Variants in NLRP3 observed in about 807,000 individuals in gnomAD.
NLRP3 encodes the protein NLR family pyrin domain containing 3, also known as NACHT, LRR and PYD domains-containing protein 3.
In NLRP3, 48 loss-of-function variants were observed where a neutral mutation model predicts 91.3. The ratio of observed to expected loss-of-function variants is 0.53; its 90% CI spans 0.42 to 0.67. The LOEUF (loss-of-function observed/expected upper bound fraction) is 0.67, where lower values mean the gene tolerates loss of function less well. Among genes scored for constraint, NLRP3 ranks in the 30% least tolerant of loss-of-function variants. NLRP3 has a pLI of 0.00. For synonymous variants in NLRP3, 561 were observed against 507.9 expected, an observed-to-expected ratio of 1.10 and a Z score of -1.41; for missense variants, 982 against 1,276.9, an observed-to-expected ratio of 0.77 and a Z score of 3.52.
At chr1:247,421,720 G>A (rs1015626896) in intron 2 of NLRP3, among the ~76,000 whole-genome samples, 1 of 152,210 alleles carries the variant, frequency 6.6e-6, no homozygotes, top group African/African-American at 2.4e-5. Context: ...TCTGATCAAA[G>A]CCTGGCTCTT....
chr1:247,437,801 C>T (rs1205264408), intron 7 of NLRP3, among the ~76,000 whole-genome samples: 1 of 152,244 alleles, frequency 6.6e-6, no homozygotes, highest in East Asian at 1.9e-4. Context: ...TGCTTCTCTG[C>T]TCACGTTTGG....
At chr1:247,426,707 G>A (rs1268592876) in intron 4 of NLRP3, among the ~76,000 whole-genome samples, 1 of 152,222 alleles carries the variant, frequency 6.6e-6, no homozygotes, top group Non-Finnish European at 1.5e-5. Flanking sequence ...GGGACAGTCC[G>A]GAAACAAGTG....
rs1447038968 is a variant in NLRP3, at chr1:247,434,202, C to T, written c.2421C>T (p.Ala807=). ...TGGAGCTGGACCTGAGTGACAACGC[C>T]CTCGGTGACTTCGGAATCAGACTTC... The part of the protein sequence containing the change: ...KLVELDLSDN[A]LGDFGIRLLC... The change falls in exon 6 of 10, where the codon GCC becomes GCT. Residue 807 remains alanine (A), a synonymous_variant. Transcript: ENST00000336119. 3 of 1,614,240 alleles carry T rather than the reference C, an allele frequency of 1.9e-6. No homozygotes were observed. Among genetic ancestry groups the T allele is most frequent in the Non-Finnish European group, 2.5e-6 (3 of 1,180,050 alleles).
chr1:247,446,054 C>T (rs1664565055), intron 9 of NLRP3, among the ~76,000 whole-genome samples: 1 of 152,174 alleles, frequency 6.6e-6, no homozygotes, highest in African/African-American at 2.4e-5. Context: ...CTGATTCTTC[C>T]CCATTTCAGT....
At chr1:247,419,467 A>C (rs1261391672) in intron 2 of NLRP3, among the ~76,000 whole-genome samples, 1 of 152,112 alleles carries the variant, frequency 6.6e-6, no homozygotes, top group Admixed American at 6.6e-5. Context: ...AATAATTTTT[A>C]AATGTACAGT....
chr1:247,428,584 T>C (rs1663075359), intron 4 of NLRP3, among the ~76,000 whole-genome samples: 1 of 152,166 alleles, frequency 6.6e-6, no homozygotes, highest in Admixed American at 6.6e-5. Context: ...AGCAGCAAAG[T>C]GAGAGCACCT....
intron 7 of NLRP3, among the ~76,000 whole-genome samples, chr1:247,437,555 C>G (rs188781760): frequency 6.6e-6 from 1 of 152,142 alleles, no homozygotes; most frequent in South Asian, 2.1e-4. Context: ...ATTACTCTTC[C>G]TTGGCAATTT....
rs375013904 is a variant in NLRP3, at chr1:247,423,244, C to A, written c.292C>A (p.Arg98Ser). 1.2e-6 allele frequency: 2 copies of A among 1,612,498 alleles called. No homozygotes were observed. Among genetic ancestry groups the A allele is most frequent in the African/African-American group, 1.3e-5 (1 of 74,942 alleles). Residue 98 changes from arginine to serine, a missense_variant, in exon 3 of 10, where the codon CGT becomes AGT. Around this residue, in one of 5 missense-constraint regions of NLRP3, gnomAD observed 548 missense variants for 713.7 expected, o/e 0.77. Transcript: ENST00000336119. ...DEPKWGSDNA[R>S]VSNPTVICQE... ...TTCCCTTTTAGGTTCAGATAATGCACGTGTTTCGAATCCCACTGTGATATG... is the reference window on the plus strand; with the variant it reads ...TTCCCTTTTAGGTTCAGATAATGCAAGTGTTTCGAATCCCACTGTGATATG...
chr1:247,419,154 A>T, intron 2 of NLRP3, 77 bp downstream of exon 2: 1 of 940,824 alleles, frequency 1.1e-6, no homozygotes. Context: ...TTATATATAT[A>T]TATATATATA....
At chr1:247,444,269 T>C in intron 8 of NLRP3, 127 bp downstream of exon 8, 1 of 1,013,430 alleles carries the variant, frequency 9.9e-7, no homozygotes, top group Admixed American at 1.8e-5. Flanking sequence ...GTTTGCCTTG[T>C]TACAGGATCA....
chr1:247,429,251 G>GC (rs1663130581), intron 4 of NLRP3, among the ~76,000 whole-genome samples: 1 of 152,086 alleles, frequency 6.6e-6, no homozygotes, highest in Admixed American at 6.5e-5. Flanking sequence ...AGTGAGGACT[G>GC]CCCTCTGATC....
intron 7 of NLRP3, 24 bp from the exon 8 acceptor site, chr1:247,443,948 A>C: frequency 1.2e-6 from 2 of 1,612,516 alleles, no homozygotes; most frequent in Non-Finnish European, 1.7e-6. Flanking sequence ...GGTACTGAGG[A>C]CTCTTCTCCC....
chr1:247,444,184 G>A lies in NLRP3; in HGVS notation c.2834+42G>A, dbSNP rs770815674. 6.2e-6 allele frequency: 10 copies of A among 1,605,776 alleles called. No individual in the cohort carries two copies. In the Admixed American group the frequency reaches 1.3e-4, roughly 21 times the overall value. On this transcript the variant is annotated intron_variant, in intron 8 of 9. Transcript: ENST00000336119. ...ATTACAGCAATGAGAACACATGGTG[G>A]CCAAGGGTGGAGGGACGTTTAGGCA...
rs150229101 is a variant in NLRP3 at position 247,429,735 on chromosome 1, C to G, written c.2301C>G (p.Gly767=). ...TGTGTGAAACGCTCCAGCATCCTGG[C>G]TGTAACATTCGGAGATTGTGGTGAG... ...RVLCETLQHP[G]CNIRRLWLGR... is the part of the protein sequence containing the mutation. Residue 767 remains glycine (G), a synonymous_variant, in exon 5 of 10, where the codon GGC becomes GGG. Transcript: ENST00000336119. 1.3e-4 allele frequency: 204 copies of G among 1,613,804 alleles called. No homozygotes were observed. The highest frequency in any genetic ancestry group is 1.4e-5 in the Non-Finnish European group (16 of 1,180,000).
chr1:247,447,593 T>C (rs1007314434), intron 9 of NLRP3, among the ~76,000 whole-genome samples: 1 of 152,228 alleles, frequency 6.6e-6, no homozygotes, highest in African/African-American at 2.4e-5. Context: ...ACATCGAAGA[T>C]GTGAGAGGCA....
chr1:247,444,443 T>C (rs1446179618), intron 8 of NLRP3, among the ~76,000 whole-genome samples: 1 of 151,864 alleles, frequency 6.6e-6, no homozygotes, highest in African/African-American at 2.4e-5. Context: ...AAACCACTGT[T>C]ACTAATTTGA....
chr1:247,423,129 T>G, intron 2 of NLRP3, 101 bp from the exon 3 acceptor site: 6 of 1,491,630 alleles, frequency 4.0e-6, no homozygotes, highest in African/African-American at 1.4e-5. Context: ...ATTTGGGGGA[T>G]GTTTGGGGTC....
At chr1:247,439,947 G>C (rs1370532807) in intron 7 of NLRP3, among the ~76,000 whole-genome samples, 1 of 152,200 alleles carries the variant, frequency 6.6e-6, no homozygotes, top group Non-Finnish European at 1.5e-5. Flanking sequence ...CTTTGAGATA[G>C]GTATCTATAA....
chr1:247,418,057 G>A lies in NLRP3; in HGVS notation c.-744G>A, dbSNP rs897293161. 3 of 152,328 alleles carry A rather than the reference G, an allele frequency of 2.0e-5. No homozygotes were observed. The highest frequency in any genetic ancestry group is 4.4e-5 in the Non-Finnish European group (3 of 68,056). 9.4% of individuals were successfully genotyped at this position (152,328 alleles called of 1,614,324 possible). ...TTCTGCTTTCTCATTTTGTAGATGAGGAAACTGAAGTTGAGGAATAGTGAA... is the reference window on the plus strand; with the variant it reads ...TTCTGCTTTCTCATTTTGTAGATGAAGAAACTGAAGTTGAGGAATAGTGAA... On this transcript the variant is annotated 5_prime_UTR_variant, in exon 2 of 10. Coordinates refer to ENST00000336119, the MANE Select transcript of NLRP3 (RefSeq NM_001243133.2).
Sources: allele counts gnomAD v4.1 joint callset (sites outside exome capture counted in the v4.1 genomes callset), GRCh38; gene constraint gnomAD v4.1.1; regional missense constraint gnomAD v4.1.1; transcripts MANE v1.5; gene names NCBI Gene and HGNC (gene_info 2026-07-23, HGNC 2026-07-21).